Variants in OLA1 observed in about 807,000 individuals in gnomAD.
OLA1 encodes Obg like ATPase 1.
Under a neutral mutation model 48.4 loss-of-function variants are expected in OLA1, and 14 were observed. The ratio of observed to expected loss-of-function variants is 0.29; its 90% CI spans 0.19 to 0.45. The LOEUF (loss-of-function observed/expected upper bound fraction) is 0.45. Ranked by LOEUF, OLA1 falls within the 20% of genes least tolerant of loss-of-function variation. The pLI, the probability that OLA1 is intolerant of heterozygous loss-of-function variation, is 1.00. For synonymous variants in OLA1, 127 were observed against 150.4 expected (o/e 0.84, Z 1.14); for missense variants, 325 against 467.1 (o/e 0.70, Z 2.80).
At chr2:174,170,267 A>G (rs1286250705) in intron 4 of OLA1, among the ~76,000 whole-genome samples, 1 of 152,144 alleles carries the variant, frequency 6.6e-6, no homozygotes, top group Admixed American at 6.5e-5. Flanking sequence ...AACAACAACA[A>G]CAACAAAATA....
At chr2:174,088,243 G>A (rs1685028206) in intron 7 of OLA1, among the ~76,000 whole-genome samples, 1 of 152,142 alleles carries the variant, frequency 6.6e-6, no homozygotes, top group Non-Finnish European at 1.5e-5. Flanking sequence ...TTAATCCAGG[G>A]GGTTCTGTTA....
At chr2:174,174,824 A>C (rs1291609323) in intron 4 of OLA1, among the ~76,000 whole-genome samples, 1 of 151,550 alleles carries the variant, frequency 6.6e-6, no homozygotes. Flanking sequence ...GCAATCTTAA[A>C]AAATAGGAAA....
chr2:174,174,042 A>C (rs996770938), intron 4 of OLA1, among the ~76,000 whole-genome samples: 703 of 35,946 alleles, frequency 0.02, 7 homozygotes, highest in African/African-American at 0.081. Context: ...ACACAAAAAA[A>C]AAAAAAAAAA....
chr2:174,132,361 CTTAA>C (rs1240567261), intron 5 of OLA1, among the ~76,000 whole-genome samples: 7 of 152,038 alleles, frequency 4.6e-5, no homozygotes, highest in Admixed American at 1.3e-4. Flanking sequence ...TTACTTTCAT[CTTAA>C]TTGTTTCCCT....
intron 7 of OLA1, among the ~76,000 whole-genome samples, chr2:174,093,050 T>G (rs1685163641): frequency 6.6e-6 from 1 of 152,336 alleles, no homozygotes; most frequent in South Asian, 2.1e-4. Context: ...TACTAAGACT[T>G]GTGTTCAGAC....
At chr2:174,079,612 C>A (rs1684817373) in intron 9 of OLA1, among the ~76,000 whole-genome samples, 1 of 151,776 alleles carries the variant, frequency 6.6e-6, no homozygotes, top group South Asian at 2.1e-4. Context: ...AATTTTTGAA[C>A]ATTTTGCATA....
intron 4 of OLA1, among the ~76,000 whole-genome samples, chr2:174,221,211 A>T (rs1266763006): frequency 6.6e-6 from 1 of 152,126 alleles, no homozygotes; most frequent in Non-Finnish European, 1.5e-5. Context: ...TAATGATGGT[A>T]TCTTTAGCCT....
intron 2 of OLA1, among the ~76,000 whole-genome samples, chr2:174,242,203 G>C (rs1182085195): frequency 6.6e-6 from 1 of 152,186 alleles, no homozygotes. Flanking sequence ...TTGGCTGATG[G>C]AAGCCAATTT....
intron 5 of OLA1, among the ~76,000 whole-genome samples, chr2:174,134,125 T>C (rs1451371936): frequency 6.6e-6 from 1 of 152,242 alleles, no homozygotes; most frequent in Non-Finnish European, 1.5e-5. Flanking sequence ...TTTTTGGCTA[T>C]TATGAATATT....
Position 174,182,323 on chromosome 2 carries a change from G to A in OLA1, c.374-40323C>T, listed in dbSNP as rs1483436409. On this transcript the variant is annotated intron_variant, in intron 4 of 10. Coordinates refer to ENST00000284719, the MANE Select transcript of OLA1 (RefSeq NM_013341.5). ...GCGGAACACCTGAGGTCGGGAGTTCGAGATCAGCCTGACCAACATGAAGAA... is the reference window on the plus strand; with the variant it reads ...GCGGAACACCTGAGGTCGGGAGTTCAAGATCAGCCTGACCAACATGAAGAA... Among the ~76,000 whole-genome samples, 5 of 152,074 alleles carry A rather than the reference G, an allele frequency of 3.3e-5. No homozygotes were observed. In the East Asian group the frequency reaches 5.8e-4, roughly 18 times the overall value.
At chr2:174,213,835 A>T (rs1688301685) in intron 4 of OLA1, among the ~76,000 whole-genome samples, 1 of 152,198 alleles carries the variant, frequency 6.6e-6, no homozygotes, top group Admixed American at 6.5e-5. Flanking sequence ...AAGGGTATTC[A>T]TTAGCAATGT....
rs6748105 is a variant in OLA1 at position 174,235,116 on chromosome 2, A to T, written c.102-5665T>A. Among the ~76,000 whole-genome samples the T allele has an allele frequency of 2.2e-3, 335 of 152,202 alleles. 3 individuals carry two copies. Among genetic ancestry groups the T allele is most frequent in the African/African-American group, 7.6e-3 (316 of 41,534 alleles). On this transcript the variant is annotated intron_variant, in intron 2 of 10. Coordinates refer to ENST00000284719, the MANE Select transcript of OLA1 (RefSeq NM_013341.5). ...AGAGGTTGCAGTGAGTGGAGATCGC[A>T]CCACTGCACTCCAGCCCGGGCAACA...
intron 5 of OLA1, among the ~76,000 whole-genome samples, chr2:174,139,893 G>GA (rs201132877): frequency 0.12 from 15,842 of 133,444 alleles, 1,328 homozygotes; most frequent in Non-Finnish European, 0.19. Context: ...AAGAAAGAAA[G>GA]AAAAAAAAAA....
intron 7 of OLA1, among the ~76,000 whole-genome samples, chr2:174,099,156 ATTTATTT>A (rs1685324343): frequency 6.6e-6 from 1 of 150,842 alleles, no homozygotes; most frequent in Admixed American, 6.6e-5. Context: ...TTGTTATTTT[ATTTATTT>A]TTTTTTTTTT....
At chr2:174,137,759 TCA>T (rs1261573890) in intron 5 of OLA1, among the ~76,000 whole-genome samples, 1 of 152,204 alleles carries the variant, frequency 6.6e-6, no homozygotes, top group Non-Finnish European at 1.5e-5. Flanking sequence ...CTCACCTCTC[TCA>T]GTTTTCTAAC....
intron 7 of OLA1, among the ~76,000 whole-genome samples, chr2:174,116,947 T>G (rs1685798723): frequency 6.6e-6 from 1 of 152,162 alleles, no homozygotes; most frequent in African/African-American, 2.4e-5. Context: ...TGATTTTACA[T>G]AAAGACTGTA....
chr2:174,191,625 A>G (rs982943982), intron 4 of OLA1, among the ~76,000 whole-genome samples: 19 of 151,898 alleles, frequency 1.3e-4, no homozygotes, highest in Non-Finnish European at 2.4e-4. Context: ...CAGCTAATTT[A>G]TTATTTTTTA....
chr2:174,113,473 G>A (rs1355428610), intron 7 of OLA1, among the ~76,000 whole-genome samples: 1 of 152,004 alleles, frequency 6.6e-6, no homozygotes, highest in Non-Finnish European at 1.5e-5. Context: ...GCGTAAAAAT[G>A]CAAGCTAAGG....
chr2:174,218,685 T>G (rs895225346), intron 4 of OLA1, among the ~76,000 whole-genome samples: 1 of 152,106 alleles, frequency 6.6e-6, no homozygotes, highest in African/African-American at 2.4e-5. Flanking sequence ...CTACTGAAAA[T>G]AAAACTTCAG....
Sources: gnomAD v4.1 joint callset for allele counts (sites outside exome capture counted in the v4.1 genomes callset) on GRCh38, gnomAD v4.1.1 for gene constraint, MANE v1.5 for transcripts, NCBI Gene and HGNC (gene_info 2026-07-23, HGNC 2026-07-21) for gene names.